The following CLSTN2 variants were observed in gnomAD, a reference collection of about 807,000 sequenced individuals.
CLSTN2 encodes calsyntenin 2.
A neutral mutation model predicts 101.2 loss-of-function variants in CLSTN2; 48 were observed. The observed-to-expected ratio is 0.47, with a 90% CI of 0.38 to 0.60. CLSTN2 has a LOEUF of 0.60. Among genes scored for constraint, CLSTN2 ranks in the 20% least tolerant of loss-of-function variants. The pLI is 0.00. For synonymous variants in CLSTN2, 481 were observed against 463.6 expected, an observed-to-expected ratio of 1.04 and a Z score of -0.48; for missense variants, 1,160 against 1,238.2, an observed-to-expected ratio of 0.94 and a Z score of 0.95.
At chr3:140,364,143 C>T (rs1435680592) in intron 2 of CLSTN2, among the ~76,000 whole-genome samples, 2 of 152,152 alleles carry the variant, frequency 1.3e-5, no homozygotes, top group Admixed American at 6.5e-5. Context: ...CCACCCGCTT[C>T]CCAGAAGTCA....
rs74990086 is a variant in CLSTN2 at position 140,122,921 on chromosome 3, T to C, written c.110-53030T>C. On this transcript the variant is annotated intron_variant, in intron 1 of 16. Coordinates refer to ENST00000458420, the MANE Select transcript of CLSTN2 (RefSeq NM_022131.3). The stretch of plus-strand genomic sequence containing the variant: ...ATATGCCATGAGCTGGGTGTGGCCA[T>C]TGGGCCAAAGTTTGTCAACATTGTC... 6.7e-4 allele frequency among the ~76,000 whole-genome samples: 102 copies of C among 152,278 alleles called. No homozygotes were observed. The East Asian group carries it at 0.018, about 27-fold the overall frequency.
chr3:140,567,797 A>T lies in CLSTN2; in HGVS notation c.*1544A>T, dbSNP rs780329495. ...TAAGTGGCATTTATGTTAAAAAAAA[A>T]TAGTTCAGAATCTCAGCCTTTTCTT... On this transcript the variant is annotated 3_prime_UTR_variant, in exon 17 of 17. Coordinates refer to ENST00000458420, the MANE Select transcript of CLSTN2 (RefSeq NM_022131.3). 9.2e-5 allele frequency: 14 copies of T among 152,240 alleles called. No homozygotes were observed. Among genetic ancestry groups the T allele is most frequent in the Non-Finnish European group, 1.8e-4 (12 of 68,058 alleles). 9.4% of individuals were successfully genotyped at this position (152,240 alleles called of 1,614,324 possible). A position where few individuals can be genotyped will look rare whatever the true frequency, so the allele number is the denominator to read the frequency against.
At position 140,204,020 on chromosome 3, in the gene CLSTN2, T is replaced by G. The variant is rs1195700648; in HGVS notation, c.232+27947T>G. Among the ~76,000 whole-genome samples the G allele has an allele frequency of 2.6e-5, 4 of 152,226 alleles. No individual in the cohort carries two copies. In the East Asian group the frequency reaches 7.7e-4, roughly 29 times the overall value. On this transcript the variant is annotated intron_variant, in intron 2 of 16. Coordinates refer to ENST00000458420, the MANE Select transcript of CLSTN2 (RefSeq NM_022131.3). ...GTTAATCTCCCTAGATCTCTTTCTT[T>G]CTGTCCCCCATTTTCAAAGAAAAAG... is the stretch of plus-strand genomic sequence containing the variant.
At chr3:140,382,867 C>T (rs1009103692) in intron 2 of CLSTN2, among the ~76,000 whole-genome samples, 1 of 150,964 alleles carries the variant, frequency 6.6e-6, no homozygotes, top group African/African-American at 2.4e-5. Context: ...AGAACTCTGC[C>T]CTTATGTCCC....
At chr3:140,253,497 C>T (rs2086580481) in intron 2 of CLSTN2, among the ~76,000 whole-genome samples, 1 of 152,160 alleles carries the variant, frequency 6.6e-6, no homozygotes, top group Non-Finnish European at 1.5e-5. Flanking sequence ...CTTTTATAAT[C>T]CACTTTAAAA....
At chr3:140,496,226 A>G (rs1231569630) in intron 8 of CLSTN2, among the ~76,000 whole-genome samples, 2 of 151,968 alleles carry the variant, frequency 1.3e-5, no homozygotes, top group Non-Finnish European at 2.9e-5. Flanking sequence ...CTTTGTAGCA[A>G]TTGTGAATGG....
At chr3:140,197,244 GA>G (rs1176241839) in intron 2 of CLSTN2, among the ~76,000 whole-genome samples, 2 of 152,128 alleles carry the variant, frequency 1.3e-5, no homozygotes, top group African/African-American at 4.8e-5. Context: ...AGAGGAGAAA[GA>G]GCTTGCTGGA....
intron 1 of CLSTN2, among the ~76,000 whole-genome samples, chr3:140,015,259 GGA>G (rs1268783836): frequency 6.6e-6 from 1 of 152,316 alleles, no homozygotes; most frequent in Non-Finnish European, 1.5e-5. Context: ...TCTCTGTCCA[GGA>G]AGAGTACACA....
chr3:140,478,221 T>G (rs1022763162), intron 8 of CLSTN2, among the ~76,000 whole-genome samples: 1 of 152,008 alleles, frequency 6.6e-6, no homozygotes, highest in African/African-American at 2.4e-5. Flanking sequence ...TTTAAAAAAA[T>G]TATCTAAATG....
At chr3:140,473,011 G>C (rs921661527) in intron 8 of CLSTN2, among the ~76,000 whole-genome samples, 2 of 152,200 alleles carry the variant, frequency 1.3e-5, no homozygotes, top group African/African-American at 4.8e-5. Flanking sequence ...GGCAGAGAAG[G>C]GTCCTCAGAC....
chr3:140,567,592 C>T lies in CLSTN2; in HGVS notation c.*1339C>T, dbSNP rs1985332682. 1 of 152,180 alleles carries T rather than the reference C, an allele frequency of 6.6e-6. No individual in the cohort carries two copies. Among genetic ancestry groups the T allele is most frequent in the Admixed American group, 6.5e-5 (1 of 15,280 alleles). 9.4% of individuals were successfully genotyped at this position (152,180 alleles called of 1,614,324 possible). A position where few individuals can be genotyped will look rare whatever the true frequency, so the allele number is the denominator to read the frequency against. On this transcript the variant is annotated 3_prime_UTR_variant, in exon 17 of 17. Coordinates refer to ENST00000458420, the MANE Select transcript of CLSTN2 (RefSeq NM_022131.3). Reference sequence around the variant, plus strand: ...GTAACTGGTCTGTGATCTTTTGTGGCCAAGAGAATAGCAGGCAAGAATTAG... The same window carrying T: ...GTAACTGGTCTGTGATCTTTTGTGGTCAAGAGAATAGCAGGCAAGAATTAG...
intron 2 of CLSTN2, among the ~76,000 whole-genome samples, chr3:140,241,812 C>CATAT (rs1322910860): frequency 7.3e-6 from 1 of 137,704 alleles, no homozygotes; most frequent in African/African-American, 2.7e-5. Flanking sequence ...TATATATACA[C>CATAT]ATATATATAT....
chr3:140,059,552 C>A (rs2008159931), intron 1 of CLSTN2, among the ~76,000 whole-genome samples: 1 of 152,126 alleles, frequency 6.6e-6, no homozygotes, highest in African/African-American at 2.4e-5. Context: ...CTCAAGCCTT[C>A]CTGTCAAGCC....
chr3:140,269,404 G>A (rs756198785), intron 2 of CLSTN2, among the ~76,000 whole-genome samples: 13 of 152,190 alleles, frequency 8.5e-5, no homozygotes, highest in Non-Finnish European at 1.9e-4. Flanking sequence ...CTCCTGGCAC[G>A]ATGGTGCCTG....
intron 2 of CLSTN2, among the ~76,000 whole-genome samples, chr3:140,348,083 C>T (rs1004624635): frequency 2.0e-5 from 3 of 152,190 alleles, no homozygotes; most frequent in African/African-American, 7.2e-5. Context: ...AGCTCTACCT[C>T]CTAGACATAC....
chr3:140,474,357 C>CT (rs1933930532), intron 8 of CLSTN2, among the ~76,000 whole-genome samples: 2 of 152,110 alleles, frequency 1.3e-5, no homozygotes, highest in African/African-American at 4.8e-5. Context: ...AGAGGCACTG[C>CT]TTTTTAAAAC....
At chr3:140,134,448 C>G (rs539709475) in intron 1 of CLSTN2, among the ~76,000 whole-genome samples, 1 of 152,138 alleles carries the variant, frequency 6.6e-6, no homozygotes, top group Non-Finnish European at 1.5e-5. Flanking sequence ...ACCCATCTGG[C>G]CTCCTGGGAA....
intron 1 of CLSTN2, among the ~76,000 whole-genome samples, chr3:139,987,548 C>T (rs1435891259): frequency 6.6e-6 from 1 of 152,152 alleles, no homozygotes; most frequent in African/African-American, 2.4e-5. Flanking sequence ...GCCATTATGC[C>T]ATCGGCTTAG....
intron 1 of CLSTN2, among the ~76,000 whole-genome samples, chr3:140,025,100 C>A (rs1171731722): frequency 6.6e-6 from 1 of 152,146 alleles, no homozygotes; most frequent in Non-Finnish European, 1.5e-5. Context: ...GGAACCTTGC[C>A]ATTTTTCAAA....
Sources: allele counts gnomAD v4.1 joint callset (sites outside exome capture counted in the v4.1 genomes callset), GRCh38; gene constraint gnomAD v4.1.1; transcripts MANE v1.5; gene names NCBI Gene and HGNC (gene_info 2026-07-23, HGNC 2026-07-21).